Variants in TANC1 observed in about 807,000 individuals in gnomAD.
TANC1 encodes the protein tetratricopeptide repeat, ankyrin repeat and coiled-coil containing 1.
In TANC1, 77 loss-of-function variants were observed where a neutral mutation model predicts 149.7. The observed-to-expected ratio is 0.51, with a 90% CI of 0.43 to 0.62. The LOEUF is 0.62. Ranked by LOEUF, TANC1 falls within the 20% of genes least tolerant of loss-of-function variation. The pLI is 0.00. For synonymous variants in TANC1, 854 were observed against 925.0 expected (o/e 0.92, Z 1.39); for missense variants, 1,985 against 2,321.8 (o/e 0.85, Z 2.98).
chr2:159,011,232 A>C (rs767676664), intron 2 of TANC1, among the ~76,000 whole-genome samples: 6 of 152,208 alleles, frequency 3.9e-5, no homozygotes, highest in Non-Finnish European at 8.8e-5. Context: ...TAAGGTTTAC[A>C]TGAAATGAAA....
chr2:159,163,803 G>T (rs2054292611), intron 8 of TANC1, among the ~76,000 whole-genome samples: 1 of 146,070 alleles, frequency 6.8e-6, no homozygotes, highest in Non-Finnish European at 1.5e-5. Context: ...TATAAGAGAA[G>T]AAAGTATAAA....
At chr2:159,207,727 A>AAAAC (rs1559460760) in intron 19 of TANC1, among the ~76,000 whole-genome samples, 1 of 127,896 alleles carries the variant, frequency 7.8e-6, no homozygotes, top group South Asian at 2.5e-4. Flanking sequence ...AAAAAAAAAA[A>AAAAC]CAACTCAGAC....
At chr2:159,094,718 A>G (rs1218374135) in intron 3 of TANC1, among the ~76,000 whole-genome samples, 1 of 146,740 alleles carries the variant, frequency 6.8e-6, no homozygotes, top group Non-Finnish European at 1.5e-5. Flanking sequence ...GATTGGTGAC[A>G]ATGGTATCTT....
At chr2:159,053,697 G>GT (rs143293687) in intron 2 of TANC1, among the ~76,000 whole-genome samples, 1,821 of 152,290 alleles carry the variant, frequency 0.012, 13 homozygotes, top group Non-Finnish European at 0.018. Context: ...AGTTTTCTGG[G>GT]TTTTTCATGA....
chr2:158,988,316 AC>A lies in TANC1; in HGVS notation c.-125-12761del, dbSNP rs546955264. On this transcript the variant is annotated intron_variant, in intron 1 of 26. Coordinates refer to ENST00000263635, the MANE Select transcript of TANC1 (RefSeq NM_033394.3). ...TACTCCAGCCTGGGTGACAGGCAAG[AC>A]CCTGTCCCAAAAAAAAAAAAAAAAA... 7.9e-3 allele frequency among the ~76,000 whole-genome samples: 1,052 copies of A among 132,612 alleles called. 11 individuals are homozygous for A. Among genetic ancestry groups the A allele is most frequent in the Middle Eastern group, 0.036 (9 of 252 alleles). 87.0% of individuals were successfully genotyped at this position (132,612 alleles called of 152,430 possible). A position where few individuals can be genotyped will look rare whatever the true frequency, so the allele number is the denominator to read the frequency against.
intron 1 of TANC1, among the ~76,000 whole-genome samples, chr2:158,974,549 C>T (rs915295408): frequency 2.0e-5 from 3 of 152,220 alleles, no homozygotes; most frequent in Non-Finnish European, 4.4e-5. Flanking sequence ...TCTCCTGCCT[C>T]GGCCTCCCGA....
At chr2:159,135,326 G>A (rs1179594368) in intron 4 of TANC1, among the ~76,000 whole-genome samples, 1 of 152,238 alleles carries the variant, frequency 6.6e-6, no homozygotes, top group African/African-American at 2.4e-5. Context: ...AGAACATTTT[G>A]TTGTTGTCAT....
chr2:158,969,588 C>A (rs1478853180), intron 1 of TANC1, among the ~76,000 whole-genome samples: 3 of 152,218 alleles, frequency 2.0e-5, no homozygotes, highest in African/African-American at 7.2e-5. Context: ...GGGCGCGCAG[C>A]GCTGTGGGTG....
At chr2:159,068,803 CATCTCCACT>C (rs1292783568) in intron 3 of TANC1, among the ~76,000 whole-genome samples, 2 of 152,054 alleles carry the variant, frequency 1.3e-5, no homozygotes, top group Non-Finnish European at 2.9e-5. Context: ...AGTTGTGCAC[CATCTCCACT>C]CACTGCAACC....
chr2:159,000,993 T>TGAAG, intron 1 of TANC1, 87 bp from the exon 2 acceptor site: 1 of 152,248 alleles, frequency 6.6e-6, no homozygotes. Context: ...CCCAGAGAGG[T>TGAAG]GAAGTAATTG....
chr2:159,016,021 C>G (rs1026905035), intron 2 of TANC1, among the ~76,000 whole-genome samples: 2 of 152,136 alleles, frequency 1.3e-5, no homozygotes, highest in South Asian at 2.1e-4. Flanking sequence ...TTTTGGGTAC[C>G]TTTTCAGTAG....
chr2:159,155,573 T>G (rs932330578), intron 7 of TANC1, among the ~76,000 whole-genome samples: 1 of 152,226 alleles, frequency 6.6e-6, no homozygotes, highest in South Asian at 2.1e-4. Flanking sequence ...GTAATCTACC[T>G]GCCCAGCTCT....
chr2:158,994,436 A>G (rs895391312), intron 1 of TANC1, among the ~76,000 whole-genome samples: 3 of 151,998 alleles, frequency 2.0e-5, no homozygotes, highest in African/African-American at 7.3e-5. Flanking sequence ...AACCCTGCTA[A>G]TCTTTTATTT....
At chr2:159,160,925 C>T (rs542070612) in intron 7 of TANC1, among the ~76,000 whole-genome samples, 5 of 152,166 alleles carry the variant, frequency 3.3e-5, no homozygotes, top group African/African-American at 1.2e-4. Context: ...CTTCCTCCCC[C>T]ACCCCTTTTC....
At chr2:159,168,463 C>T (rs2054842228) in intron 8 of TANC1, among the ~76,000 whole-genome samples, 1 of 151,852 alleles carries the variant, frequency 6.6e-6, no homozygotes, top group Non-Finnish European at 1.5e-5. Context: ...CCATGCCCAG[C>T]TAATTTTTTT....
At chr2:159,148,284 A>G (rs1397299746) in intron 5 of TANC1, 1 of 152,204 alleles carries the variant, frequency 6.6e-6, no homozygotes, top group African/African-American at 2.4e-5. Flanking sequence ...GGATGTGAAT[A>G]TCGTTTTATT....
chr2:159,202,397 C>T (rs988361189), intron 19 of TANC1, among the ~76,000 whole-genome samples: 1 of 152,230 alleles, frequency 6.6e-6, no homozygotes, highest in African/African-American at 2.4e-5. Context: ...AATCAACCCA[C>T]AGCCTTTAGA....
chr2:159,165,257 T>C (rs2054471573), intron 8 of TANC1, among the ~76,000 whole-genome samples: 1 of 152,196 alleles, frequency 6.6e-6, no homozygotes, highest in Admixed American at 6.5e-5. Flanking sequence ...TCCAGGAGGC[T>C]GCCGTGATTA....
chr2:159,073,264 AGT>A (rs2043317147), intron 3 of TANC1, among the ~76,000 whole-genome samples: 1 of 152,164 alleles, frequency 6.6e-6, no homozygotes, highest in Non-Finnish European at 1.5e-5. Context: ...AGGATGAAAG[AGT>A]TAGGGGAAGT....
Sources: gnomAD v4.1 joint callset for allele counts (sites outside exome capture counted in the v4.1 genomes callset) on GRCh38, gnomAD v4.1.1 for gene constraint, MANE v1.5 for transcripts, NCBI Gene and HGNC (gene_info 2026-07-23, HGNC 2026-07-21) for gene names.